COL4A3: variants seen among roughly 807,000 people sequenced by gnomAD.
The protein encoded by COL4A3 is collagen type IV alpha 3 chain.
A neutral mutation model predicts 217.4 loss-of-function variants in COL4A3; 135 were observed. The ratio of observed to expected loss-of-function variants is 0.62; its 90% CI spans 0.54 to 0.72. The LOEUF (loss-of-function observed/expected upper bound fraction) is 0.72. COL4A3 is among the 30% of genes least tolerant of loss of function. The probability of loss-of-function intolerance (pLI) is 0.00; values close to 1 mark genes in which losing one functional copy is unlikely to be tolerated. For missense variants in COL4A3, 1,868 were observed against 2,119.9 expected, an observed-to-expected ratio of 0.88 and a Z score of 2.33; for synonymous variants, 690 against 736.3, an observed-to-expected ratio of 0.94 and a Z score of 1.02.
At chr2:227,270,282 G>A (rs1410934062) in intron 24 of COL4A3, among the ~76,000 whole-genome samples, 3 of 152,146 alleles carry the variant, frequency 2.0e-5, no homozygotes, top group Non-Finnish European at 2.9e-5. Context: ...ATGTTTGAAC[G>A]TGATTGTGGT....
At chr2:227,270,032 T>G in intron 24 of COL4A3, 52 bp downstream of exon 24, 1 of 1,471,350 alleles carries the variant, frequency 6.8e-7, no homozygotes, top group Non-Finnish European at 9.5e-7. Context: ...AATTGCACAC[T>G]CTAGAAATAT....
At chr2:227,224,759 GAA>G (rs35465382) in intron 1 of COL4A3, among the ~76,000 whole-genome samples, 91 of 144,110 alleles carry the variant, frequency 6.3e-4, no homozygotes, top group Middle Eastern at 3.6e-3. Context: ...CCATCTCAAA[GAA>G]AAAAAAAAAA....
chr2:227,239,713 G>A (rs953395914), intron 2 of COL4A3, among the ~76,000 whole-genome samples: 13 of 152,280 alleles, frequency 8.5e-5, no homozygotes, highest in East Asian at 1.9e-4. Flanking sequence ...GCCTGGTGGC[G>A]TTCTTTCAAG....
chr2:227,202,752 T>A (rs770223841), intron 1 of COL4A3, among the ~76,000 whole-genome samples: 3,795 of 25,302 alleles, frequency 0.15, 125 homozygotes, highest in Non-Finnish European at 0.19. Flanking sequence ...AAAAAATATA[T>A]ATATATATAT....
chr2:227,179,749 A>T (rs887835918), intron 1 of COL4A3, among the ~76,000 whole-genome samples: 2 of 152,232 alleles, frequency 1.3e-5, no homozygotes, highest in African/African-American at 4.8e-5. Context: ...GATAAAACTC[A>T]TGTGGTCCCT....
intron 34 of COL4A3, 60 bp downstream of exon 34, chr2:227,284,405 T>C (rs1476430842): frequency 6.4e-7 from 1 of 1,559,216 alleles, no homozygotes; most frequent in African/African-American, 1.3e-5. Context: ...TAATAAATTA[T>C]CCAGGCAAAT....
chr2:227,261,833 G>T (rs745867436), intron 20 of COL4A3, among the ~76,000 whole-genome samples: 1 of 152,156 alleles, frequency 6.6e-6, no homozygotes, highest in Non-Finnish European at 1.5e-5. Flanking sequence ...CACTTTTTCT[G>T]TAAAGTTCTA....
At chr2:227,277,926 A>T (rs1451867660) in intron 28 of COL4A3, among the ~76,000 whole-genome samples, 1 of 152,140 alleles carries the variant, frequency 6.6e-6, no homozygotes, top group African/African-American at 2.4e-5. Flanking sequence ...GTCTCAAAAA[A>T]AAAAATGTTT....
chr2:227,218,952 A>T (rs568731148), intron 1 of COL4A3, among the ~76,000 whole-genome samples: 1 of 152,136 alleles, frequency 6.6e-6, no homozygotes, highest in East Asian at 1.9e-4. Flanking sequence ...ATCTTCCAAT[A>T]TACAATAAAA....
intron 1 of COL4A3, among the ~76,000 whole-genome samples, chr2:227,184,004 G>T (rs900063795): frequency 3.9e-5 from 6 of 152,080 alleles, no homozygotes; most frequent in African/African-American, 1.2e-4. Context: ...TCTATGTGCT[G>T]CCCCCATGTC....
rs149893300 is a variant in COL4A3 at position 227,232,529 on chromosome 2, C to G, written c.88-5439C>G. 6.4e-3 allele frequency among the ~76,000 whole-genome samples: 971 copies of G among 152,088 alleles called. 12 individuals are homozygous for G. Among genetic ancestry groups the G allele is most frequent in the African/African-American group, 0.022 (923 of 41,486 alleles). ...CCCCTTTTCTCTACTTCCTTTCCAG[C>G]ATTTGTTATTGACTGTCATTTGGAT... On this transcript the variant is annotated intron_variant, in intron 1 of 51. Transcript: ENST00000396578.
intron 2 of COL4A3, 139 bp downstream of exon 2, chr2:227,238,163 A>G (rs1484238052): frequency 6.7e-6 from 4 of 595,028 alleles, no homozygotes; most frequent in East Asian, 3.0e-5. Context: ...GTAATTGTAT[A>G]TAAACATTAA....
Position 227,283,751 on chromosome 2 carries a change from T to C in COL4A3, c.2657-16T>C. On this transcript the variant is annotated splice_polypyrimidine_tract_variant and intron_variant, in intron 32 of 51. Coordinates refer to ENST00000396578, the MANE Select transcript of COL4A3 (RefSeq NM_000091.5). ...CTGTACAACACGTGCTGCTTTGTGT[T>C]AATTTGTTTCCATAGGTGAAGATGG... 6.2e-7 allele frequency: 1 copy of C among 1,609,674 alleles called. No individual in the cohort carries two copies. Among genetic ancestry groups the C allele is most frequent in the South Asian group, 1.1e-5 (1 of 91,002 alleles).
chr2:227,303,829 G>C (rs768533288), intron 44 of COL4A3, 30 bp from the exon 45 acceptor site: 1 of 1,605,130 alleles, frequency 6.2e-7, no homozygotes, highest in Non-Finnish European at 8.5e-7. Flanking sequence ...GATCTAAGTG[G>C]AATCACACTG....
At chr2:227,247,278 C>T (rs945607824) in intron 7 of COL4A3, among the ~76,000 whole-genome samples, 2 of 152,106 alleles carry the variant, frequency 1.3e-5, no homozygotes, top group Admixed American at 1.3e-4. Context: ...CATGTCTGAC[C>T]TTAGCAAGGG....
At chr2:227,237,321 C>T (rs558552623) in intron 1 of COL4A3, among the ~76,000 whole-genome samples, 67 of 152,156 alleles carry the variant, frequency 4.4e-4, no homozygotes, top group Non-Finnish European at 9.3e-4. Flanking sequence ...CAAAGAAAAC[C>T]TTAATATCAC....
intron 1 of COL4A3, among the ~76,000 whole-genome samples, chr2:227,236,497 C>G (rs1232842725): frequency 1.3e-5 from 2 of 152,172 alleles, no homozygotes; most frequent in East Asian, 3.9e-4. Flanking sequence ...TTTTTATTTT[C>G]CCTACTAACC....
chr2:227,239,489 T>G (rs578093603), intron 2 of COL4A3, among the ~76,000 whole-genome samples: 90 of 152,316 alleles, frequency 5.9e-4, no homozygotes, highest in African/African-American at 2.0e-3. Flanking sequence ...AAATTATTTG[T>G]TGGTAGAACT....
chr2:227,229,152 G>A (rs1049916014), intron 1 of COL4A3, among the ~76,000 whole-genome samples: 3 of 152,178 alleles, frequency 2.0e-5, no homozygotes, highest in Non-Finnish European at 2.9e-5. Flanking sequence ...GGTGAGACAT[G>A]GGTGGCACAC....
Sources: allele counts gnomAD v4.1 joint callset (sites outside exome capture counted in the v4.1 genomes callset), GRCh38; gene constraint gnomAD v4.1.1; transcripts MANE v1.5; gene names NCBI Gene and HGNC (gene_info 2026-07-23, HGNC 2026-07-21).